DGKB: variants seen among roughly 807,000 people sequenced by gnomAD.
DGKB encodes the protein 90 kDa diacylglycerol kinase.
In DGKB, 67 loss-of-function variants were observed where a neutral mutation model predicts 114.3. The observed-to-expected ratio is 0.59, with a 90% CI of 0.48 to 0.72. The LOEUF (loss-of-function observed/expected upper bound fraction) is 0.72. Among genes scored for constraint, DGKB ranks in the 30% least tolerant of loss-of-function variants. The pLI is 0.00. For missense variants in DGKB, 907 were observed against 975.2 expected (o/e 0.93, Z 0.93); for synonymous variants, 398 against 323.1 (o/e 1.23, Z -2.49).
chr7:14,529,531 C>T (rs1400149052), intron 20 of DGKB, among the ~76,000 whole-genome samples: 1 of 151,612 alleles, frequency 6.6e-6, no homozygotes, highest in Admixed American at 6.6e-5. Context: ...AGGTATGGAA[C>T]TCTAAAATGA....
chr7:14,261,109 T>A lies in DGKB; in HGVS notation c.2122+77406A>T, dbSNP rs527898326. ...ATAAAAAAATTAATTGGGCAATTGC[T>A]AGATTTTCTTAATGATATTTTAACC... On this transcript the variant is annotated intron_variant, in intron 23 of 25. Transcript: ENST00000402815. Among the ~76,000 whole-genome samples the A allele has an allele frequency of 7.2e-5, 11 of 152,242 alleles. No individual in the cohort carries two copies. The South Asian group carries it at 2.3e-3, about 32-fold the overall frequency.
intron 19 of DGKB, among the ~76,000 whole-genome samples, chr7:14,578,618 C>T (rs545380693): frequency 6.6e-6 from 1 of 152,314 alleles, no homozygotes; most frequent in Non-Finnish European, 1.5e-5. Context: ...AAATGTACCT[C>T]CAGTTTGGCT....
In DGKB at chr7:14,148,427, C is replaced by G. The variant is rs993236681; in HGVS notation, c.*704G>C. 6.6e-6 allele frequency: 1 copy of G among 152,504 alleles called. No homozygotes were observed. The highest frequency in any genetic ancestry group is 1.5e-5 in the Non-Finnish European group (1 of 68,012). 9.4% of individuals were successfully genotyped at this position (152,504 alleles called of 1,614,324 possible). ...CTCATGCAGAAAGGAACAAGGCTTG[C>G]CATATTACCACACTTGACTGTCAAG... On this transcript the variant is annotated 3_prime_UTR_variant, in exon 26 of 26. Coordinates refer to ENST00000402815, the MANE Select transcript of DGKB (RefSeq NM_001350709.2).
chr7:14,597,433 T>A, intron 17 of DGKB, among the ~76,000 whole-genome samples: 1 of 152,332 alleles, frequency 6.6e-6, no homozygotes, highest in East Asian at 1.9e-4. Context: ...TTTTAATAGT[T>A]GTAAATATAA....
intron 20 of DGKB, among the ~76,000 whole-genome samples, chr7:14,566,153 GA>G (rs1304745146): frequency 6.6e-6 from 1 of 151,976 alleles, no homozygotes; most frequent in African/African-American, 2.4e-5. Flanking sequence ...AATGCTTTAG[GA>G]AGATGTAATA....
At chr7:14,472,746 T>A (rs1781598958) in intron 21 of DGKB, among the ~76,000 whole-genome samples, 1 of 152,066 alleles carries the variant, frequency 6.6e-6, no homozygotes, top group Middle Eastern at 3.2e-3. Flanking sequence ...GCTGAGGTGG[T>A]CTCAGGTGGA....
At chr7:14,600,265 C>T (rs1446838063) in intron 17 of DGKB, among the ~76,000 whole-genome samples, 1 of 152,098 alleles carries the variant, frequency 6.6e-6, no homozygotes, top group Non-Finnish European at 1.5e-5. Context: ...GGGTAGAGCC[C>T]TCATAACCTA....
chr7:14,568,862 A>T (rs1797972800), intron 20 of DGKB, among the ~76,000 whole-genome samples: 1 of 152,220 alleles, frequency 6.6e-6, no homozygotes, highest in African/African-American at 2.4e-5. Flanking sequence ...AACAATACTG[A>T]GATTAGAATC....
chr7:14,501,999 G>C (rs192735936), intron 20 of DGKB, among the ~76,000 whole-genome samples: 1 of 151,972 alleles, frequency 6.6e-6, no homozygotes, highest in African/African-American at 2.4e-5. Flanking sequence ...ATATTTTTGG[G>C]TTAAGAGGGT....
At chr7:14,219,219 T>C (rs1366558273) in intron 23 of DGKB, among the ~76,000 whole-genome samples, 2 of 151,922 alleles carry the variant, frequency 1.3e-5, no homozygotes, top group African/African-American at 4.8e-5. Context: ...TGAATAATGT[T>C]GCTTTAAACA....
intron 20 of DGKB, among the ~76,000 whole-genome samples, chr7:14,487,605 G>C (rs560450814): frequency 3.2e-5 from 4 of 125,408 alleles, no homozygotes; most frequent in Admixed American, 9.0e-5. Flanking sequence ...TTTTTTTGGA[G>C]ACAGAATCTC....
At chr7:14,264,847 C>A (rs1327009126) in intron 23 of DGKB, among the ~76,000 whole-genome samples, 1 of 152,062 alleles carries the variant, frequency 6.6e-6, no homozygotes, top group African/African-American at 2.4e-5. Context: ...CCAATAAATG[C>A]ACAAAATCAT....
chr7:14,264,601 T>C (rs1049793922), intron 23 of DGKB, among the ~76,000 whole-genome samples: 31 of 152,320 alleles, frequency 2.0e-4, no homozygotes, highest in Admixed American at 6.5e-4. Flanking sequence ...TTTAGATCTA[T>C]GAGTTGCCAT....
At chr7:14,224,503 G>A (rs1790478440) in intron 23 of DGKB, among the ~76,000 whole-genome samples, 1 of 151,914 alleles carries the variant, frequency 6.6e-6, no homozygotes, top group Non-Finnish European at 1.5e-5. Context: ...ATCACAGGTA[G>A]TTTCTGTTGC....
At chr7:14,323,097 G>T (rs1808108124) in intron 23 of DGKB, among the ~76,000 whole-genome samples, 1 of 152,026 alleles carries the variant, frequency 6.6e-6, no homozygotes, top group Admixed American at 6.6e-5. Flanking sequence ...GTTCATAGAA[G>T]TACAATTAGT....
At chr7:14,813,938 A>G (rs532625855) in intron 2 of DGKB, among the ~76,000 whole-genome samples, 1 of 152,312 alleles carries the variant, frequency 6.6e-6, no homozygotes, top group Admixed American at 6.5e-5. Context: ...TTCTATCGCC[A>G]TATTTTAAAC....
chr7:14,244,798 G>A (rs1423008626), intron 23 of DGKB, among the ~76,000 whole-genome samples: 1 of 151,744 alleles, frequency 6.6e-6, no homozygotes, highest in African/African-American at 2.4e-5. Flanking sequence ...TGAGGGCACA[G>A]AGAAAAGACA....
intron 21 of DGKB, among the ~76,000 whole-genome samples, chr7:14,374,914 C>T (rs1012537148): frequency 1.3e-5 from 2 of 152,108 alleles, no homozygotes; most frequent in Non-Finnish European, 1.5e-5. Context: ...ACAGATTGTC[C>T]GTCTGTTGCC....
chr7:14,800,598 CTGTGATTGTAT>C (rs1842026459), intron 2 of DGKB, among the ~76,000 whole-genome samples: 1 of 152,028 alleles, frequency 6.6e-6, no homozygotes, highest in Admixed American at 6.5e-5. Flanking sequence ...TTGTGGGACC[CTGTGATTGTAT>C]AAGTTAATAC....
Sources: allele counts gnomAD v4.1 joint callset (sites outside exome capture counted in the v4.1 genomes callset), GRCh38; gene constraint gnomAD v4.1.1; transcripts MANE v1.5; gene names NCBI Gene and HGNC (gene_info 2026-07-23, HGNC 2026-07-21).